MCPH1: variants seen among roughly 807,000 people sequenced by gnomAD.
MCPH1 encodes the protein microcephalin.
A neutral mutation model predicts 84.5 loss-of-function variants in MCPH1; 104 were observed. The ratio of observed to expected loss-of-function variants is 1.23; its 90% CI spans 1.05 to 1.45. MCPH1 has a LOEUF of 1.45. Ranked by LOEUF, MCPH1 falls within the 40% of genes most tolerant of loss-of-function variation. The pLI is 0.00. For missense variants in MCPH1, 1,498 were observed against 1,005.7 expected (o/e 1.49, Z -6.62); for synonymous variants, 514 against 366.8 (o/e 1.40, Z -4.58).
At chr8:6,509,179 G>A in intron 12 of MCPH1, 1 of 1,302,932 alleles carries the variant, frequency 7.7e-7, no homozygotes, top group Admixed American at 2.3e-5. Context: ...CTCGTTAATG[G>A]ACTAATGCAT....
chr8:6,549,287 G>C lies in MCPH1; in HGVS notation c.2214+49358G>C, dbSNP rs145210669. ...AACACTGCACGGTGATGGAAAAGAA[G>C]AAACTTTAACATGCACAACAACATG... is the stretch of plus-strand genomic sequence containing the variant. On this transcript the variant is annotated intron_variant, in intron 12 of 13. Transcript: ENST00000344683. 4.9e-4 allele frequency among the ~76,000 whole-genome samples: 75 copies of C among 152,338 alleles called. 1 individual carries two copies. The highest frequency in any genetic ancestry group is 1.8e-3 in the African/African-American group (73 of 41,576).
At chr8:6,509,777 C>G (rs964422526) in intron 12 of MCPH1, among the ~76,000 whole-genome samples, 8 of 152,316 alleles carry the variant, frequency 5.3e-5, no homozygotes, top group African/African-American at 1.9e-4. Flanking sequence ...CATAGCTTAG[C>G]TCTAGCCTTC....
chr8:6,471,286 C>T (rs957375482), intron 9 of MCPH1, among the ~76,000 whole-genome samples: 3 of 152,136 alleles, frequency 2.0e-5, no homozygotes, highest in East Asian at 1.9e-4. Flanking sequence ...CTCTCAAATA[C>T]GACATTCCAG....
chr8:6,473,939 A>G, intron 9 of MCPH1: 1 of 1,442,644 alleles, frequency 6.9e-7, no homozygotes, highest in South Asian at 1.2e-5. Context: ...CAGCCGATGC[A>G]CAACTTCTTC....
Position 6,423,064 on chromosome 8 carries a change from G to C in MCPH1, c.233+8181G>C, listed in dbSNP as rs1048331019. On this transcript the variant is annotated intron_variant, in intron 3 of 13. Transcript: ENST00000344683. Reference sequence around the variant, plus strand: ...TTTAACTCCTGACCTCAGGTGATCCGCCCACCTTGGCCTCCCAAAGTGCTA... The same window carrying C: ...TTTAACTCCTGACCTCAGGTGATCCCCCCACCTTGGCCTCCCAAAGTGCTA... 2.6e-5 allele frequency among the ~76,000 whole-genome samples: 4 copies of C among 151,208 alleles called. No homozygotes were observed. The South Asian group carries it at 6.2e-4, about 24-fold the overall frequency.
chr8:6,506,153 A>G (rs566023745), intron 12 of MCPH1, among the ~76,000 whole-genome samples: 41 of 151,758 alleles, frequency 2.7e-4, no homozygotes, highest in African/African-American at 7.3e-5. Context: ...GTGAATGCAG[A>G]TTGGACGGAA....
rs576974889 is a variant in MCPH1, at chr8:6,445,678, C to T, written c.1825+131C>T. The T allele has an allele frequency of 1.6e-5, 23 of 1,443,452 alleles. No individual in the cohort carries two copies. The East Asian group carries it at 4.5e-4, about 28-fold the overall frequency. 89.4% of individuals were successfully genotyped at this position (1,443,452 alleles called of 1,614,324 possible). On this transcript the variant is annotated intron_variant, in intron 8 of 13. Transcript: ENST00000344683. ...CTCCTCTTTTTACTTAAAGAATGTG[C>T]ATTTGATCATTCCAATGATAAACTC...
intron 12 of MCPH1, chr8:6,503,123 A>G (rs1310346103): frequency 1.2e-6 from 2 of 1,614,104 alleles, no homozygotes; most frequent in Non-Finnish European, 8.5e-7. Context: ...TGGTCGGATC[A>G]TCATGGTTGT....
chr8:6,450,036 T>C (rs1350696975), intron 8 of MCPH1, among the ~76,000 whole-genome samples: 1 of 152,180 alleles, frequency 6.6e-6, no homozygotes, highest in East Asian at 1.9e-4. Context: ...ATGGGTTTGA[T>C]ACAGATTTTC....
At position 6,523,829 on chromosome 8, in the gene MCPH1, C is replaced by A. The variant is rs550707318; in HGVS notation, c.2214+23900C>A. On this transcript the variant is annotated intron_variant, in intron 12 of 13. Transcript: ENST00000344683. ...GTCTCGAACTCCTGACTTCCTGATT[C>A]GTCCACCTCGGCCTTCCAAAGTGCT... Among the ~76,000 whole-genome samples the A allele has an allele frequency of 1.4e-4, 21 of 151,360 alleles. No individual in the cohort carries two copies. In the South Asian group the frequency reaches 1.7e-3, roughly 12 times the overall value.
chr8:6,623,356 C>G (rs2928594), intron 13 of MCPH1, among the ~76,000 whole-genome samples: 69 of 151,592 alleles, frequency 4.6e-4, no homozygotes, highest in African/African-American at 1.6e-3. Context: ...CTCTCTCAAT[C>G]TCTCTCTCTC....
At chr8:6,475,925 G>T (rs73196802) in intron 9 of MCPH1, among the ~76,000 whole-genome samples, 1 of 152,162 alleles carries the variant, frequency 6.6e-6, no homozygotes, top group East Asian at 1.9e-4. Context: ...AGGTGTATAA[G>T]GCAGATCCCT....
chr8:6,438,941 G>A lies in MCPH1; in HGVS notation c.437-12G>A. ...TTTTTGGTCTTAAAGTGGATTTTTT[G>A]TTTATTTTCAGATGATGATGTACCT... On this transcript the variant is annotated splice_polypyrimidine_tract_variant and intron_variant, in intron 5 of 13. Transcript: ENST00000344683. 1 of 1,610,116 alleles carries A rather than the reference G, an allele frequency of 6.2e-7. No homozygotes were observed. The highest frequency in any genetic ancestry group is 8.5e-7 in the Non-Finnish European group (1 of 1,177,866).
At chr8:6,541,484 G>C (rs1041287615) in intron 12 of MCPH1, among the ~76,000 whole-genome samples, 1 of 152,180 alleles carries the variant, frequency 6.6e-6, no homozygotes, top group African/African-American at 2.4e-5. Context: ...CCTGGAGACA[G>C]GAAACCAAAG....
At chr8:6,564,275 C>T (rs568270168) in intron 12 of MCPH1, among the ~76,000 whole-genome samples, 22 of 152,254 alleles carry the variant, frequency 1.4e-4, no homozygotes, top group South Asian at 2.1e-4. Context: ...CCATGCCTGG[C>T]CCACAAACTT....
intron 11 of MCPH1, among the ~76,000 whole-genome samples, chr8:6,490,238 C>T (rs1457759083): frequency 6.6e-6 from 1 of 152,206 alleles, no homozygotes; most frequent in Non-Finnish European, 1.5e-5. Context: ...CTCAATCACA[C>T]AGTTCTCACT....
At chr8:6,608,001 A>G (rs1009874988) in intron 12 of MCPH1, among the ~76,000 whole-genome samples, 14 of 152,298 alleles carry the variant, frequency 9.2e-5, no homozygotes, top group African/African-American at 3.4e-4. Flanking sequence ...CATTTGGAAT[A>G]GTGTTTTTTG....
At chr8:6,592,294 C>T (rs750781295) in intron 12 of MCPH1, among the ~76,000 whole-genome samples, 1 of 151,612 alleles carries the variant, frequency 6.6e-6, no homozygotes, top group African/African-American at 2.4e-5. Flanking sequence ...TGGGACTACA[C>T]GTGCGTGCCA....
chr8:6,478,899 T>C (rs779031303), intron 10 of MCPH1, among the ~76,000 whole-genome samples: 3 of 152,198 alleles, frequency 2.0e-5, no homozygotes, highest in Non-Finnish European at 2.9e-5. Context: ...AAAAGCATGA[T>C]ATAATTCAGC....
Sources: allele counts gnomAD v4.1 joint callset (sites outside exome capture counted in the v4.1 genomes callset), GRCh38; gene constraint gnomAD v4.1.1; transcripts MANE v1.5; gene names NCBI Gene and HGNC (gene_info 2026-07-23, HGNC 2026-07-21).